Variants in TMEM132C observed in about 807,000 individuals in gnomAD.
TMEM132C encodes the protein transmembrane protein 132C, also known as protein phosphatase 1, regulatory subunit 152.
In TMEM132C, 29 loss-of-function variants were observed where a neutral mutation model predicts 61.4. The ratio of observed to expected loss-of-function variants is 0.47; its 90% confidence interval spans 0.35 to 0.64. The LOEUF is 0.64. TMEM132C is among the 30% of genes least tolerant of loss of function. The pLI, the probability that TMEM132C is intolerant of heterozygous loss-of-function variation, is 0.00. For missense variants in TMEM132C, 1,408 were observed against 1,476.9 expected (o/e 0.95, Z 0.76); for synonymous variants, 656 against 633.1 (o/e 1.04, Z -0.54).
At chr12:128,331,747 T>C (rs1872670497) in intron 1 of TMEM132C, among the ~76,000 whole-genome samples, 1 of 152,218 alleles carries the variant, frequency 6.6e-6, no homozygotes, top group African/African-American at 2.4e-5. Context: ...TGTAGGTATC[T>C]TTCTGATATA....
intron 4 of TMEM132C, among the ~76,000 whole-genome samples, chr12:128,639,918 T>C (rs1954144714): frequency 6.6e-6 from 1 of 152,252 alleles, no homozygotes; most frequent in South Asian, 2.1e-4. Flanking sequence ...AAGAAGTTCT[T>C]TGTCAGAATC....
chr12:128,681,817 A>ATTTTTTTTTTTTTTTTTTTTTT (rs35154554), intron 5 of TMEM132C, among the ~76,000 whole-genome samples: 3 of 86,478 alleles, frequency 3.5e-5, no homozygotes, highest in Non-Finnish European at 2.1e-5. Context: ...CCACGCCTGG[A>ATTTTTTTTTTTTTTTTTTTTTT]TTTTTTTTTT....
intron 3 of TMEM132C, among the ~76,000 whole-genome samples, chr12:128,545,463 C>T (rs1873914981): frequency 6.6e-6 from 1 of 152,172 alleles, no homozygotes; most frequent in Non-Finnish European, 1.5e-5. Context: ...AGTCTATTTC[C>T]TTTGGGTATA....
chr12:128,361,109 G>C (rs1269762691), intron 1 of TMEM132C, among the ~76,000 whole-genome samples: 1 of 152,198 alleles, frequency 6.6e-6, no homozygotes, highest in Non-Finnish European at 1.5e-5. Flanking sequence ...CTCGCTGTTA[G>C]ATCATAATGC....
At chr12:128,288,957 A>T (rs189984536) in intron 1 of TMEM132C, 3 of 152,268 alleles carry the variant, frequency 2.0e-5, no homozygotes, top group African/African-American at 7.2e-5. Context: ...ACCGCCCCCC[A>T]CACAGTCACA....
At chr12:128,405,487 A>G (rs1021144805) in intron 1 of TMEM132C, among the ~76,000 whole-genome samples, 4 of 152,290 alleles carry the variant, frequency 2.6e-5, no homozygotes, top group Non-Finnish European at 1.5e-5. Flanking sequence ...TTTCCTGCTT[A>G]ATTATTTGAA....
At chr12:128,467,006 A>G (rs1271043675) in intron 2 of TMEM132C, among the ~76,000 whole-genome samples, 1 of 152,166 alleles carries the variant, frequency 6.6e-6, no homozygotes, top group African/African-American at 2.4e-5. Context: ...TAGGATTTCA[A>G]CATGATAAGG....
At chr12:128,555,896 T>G (rs141281869) in intron 3 of TMEM132C, among the ~76,000 whole-genome samples, 2 of 152,132 alleles carry the variant, frequency 1.3e-5, no homozygotes, top group Non-Finnish European at 2.9e-5. Flanking sequence ...TGTTTTTTTG[T>G]GTGTGGAAAA....
intron 1 of TMEM132C, among the ~76,000 whole-genome samples, chr12:128,268,567 G>T (rs1870397895): frequency 6.6e-6 from 1 of 152,090 alleles, no homozygotes; most frequent in African/African-American, 2.4e-5. Context: ...GCGCACATGG[G>T]TGCCCTGAGC....
intron 6 of TMEM132C, 51 bp from the exon 7 acceptor site, chr12:128,695,779 G>C: frequency 1.3e-6 from 2 of 1,487,768 alleles, no homozygotes; most frequent in Non-Finnish European, 1.8e-6. Context: ...TCTCAAGAAC[G>C]TCTTAGACTC....
chr12:128,665,710 C>T (rs1345333596), intron 4 of TMEM132C, among the ~76,000 whole-genome samples: 1 of 146,346 alleles, frequency 6.8e-6, no homozygotes, highest in Non-Finnish European at 1.5e-5. Flanking sequence ...CACACATTCA[C>T]AGGCACTCAT....
At chr12:128,694,491 T>G (rs1265437094) in intron 6 of TMEM132C, among the ~76,000 whole-genome samples, 3 of 152,220 alleles carry the variant, frequency 2.0e-5, no homozygotes, top group Non-Finnish European at 4.4e-5. Context: ...CTTCTAATTT[T>G]TTTGGGATTC....
In TMEM132C at chr12:128,572,895, C is replaced by T. The variant is rs187519090; in HGVS notation, c.1121+28792C>T. Among the ~76,000 whole-genome samples, 285 of 152,356 alleles carry T rather than the reference C, an allele frequency of 1.9e-3. 2 individuals are homozygous for T. The highest frequency in any genetic ancestry group is 3.2e-3 in the Non-Finnish European group (220 of 68,032). On this transcript the variant is annotated intron_variant, in intron 3 of 8. Coordinates refer to ENST00000435159, the MANE Select transcript of TMEM132C (RefSeq NM_001136103.3). ...ACCAGAGAAATGCAAATCAAAACCACAATGAGATACCATCTCACACCAGTT... is the reference window on the plus strand; with the variant it reads ...ACCAGAGAAATGCAAATCAAAACCATAATGAGATACCATCTCACACCAGTT...
At chr12:128,328,047 T>G (rs935648931) in intron 1 of TMEM132C, among the ~76,000 whole-genome samples, 6 of 152,062 alleles carry the variant, frequency 3.9e-5, no homozygotes. Context: ...AACCAGTCTT[T>G]CAGGTTAAAT....
At chr12:128,465,932 GGGAA>G (rs1342689763) in intron 2 of TMEM132C, among the ~76,000 whole-genome samples, 4 of 152,192 alleles carry the variant, frequency 2.6e-5, no homozygotes, top group Non-Finnish European at 5.9e-5. Context: ...CCGGGGATAA[GGGAA>G]GGCGAGTGAA....
At chr12:128,650,880 A>T (rs1179194964) in intron 4 of TMEM132C, among the ~76,000 whole-genome samples, 1 of 152,214 alleles carries the variant, frequency 6.6e-6, no homozygotes, top group East Asian at 1.9e-4. Flanking sequence ...TAAGGCTCAA[A>T]TTCCACCAAC....
chr12:128,602,384 C>T (rs1024397923), intron 3 of TMEM132C, among the ~76,000 whole-genome samples: 2 of 152,206 alleles, frequency 1.3e-5, no homozygotes, highest in African/African-American at 4.8e-5. Context: ...CTTGCTCATT[C>T]CAGGTCTGAT....
intron 5 of TMEM132C, among the ~76,000 whole-genome samples, chr12:128,690,163 G>A (rs1364552180): frequency 1.3e-5 from 2 of 152,164 alleles, no homozygotes; most frequent in African/African-American, 4.8e-5. Flanking sequence ...ACTGATTTCT[G>A]GGCCATGGCT....
intron 1 of TMEM132C, among the ~76,000 whole-genome samples, chr12:128,390,650 C>A (rs1370877817): frequency 6.6e-6 from 1 of 152,134 alleles, no homozygotes; most frequent in Non-Finnish European, 1.5e-5. Context: ...AGGATGAGGC[C>A]CTCTCTAGGA....
Sources: allele counts gnomAD v4.1 joint callset (sites outside exome capture counted in the v4.1 genomes callset), GRCh38; gene constraint gnomAD v4.1.1; transcripts MANE v1.5; gene names NCBI Gene and HGNC (gene_info 2026-07-23, HGNC 2026-07-21).